GRIN2A: variants seen among roughly 807,000 people sequenced by gnomAD.
GRIN2A encodes glutamate receptor ionotropic, NMDA 2A.
A neutral mutation model predicts 113.4 loss-of-function variants in GRIN2A; 22 were observed. The observed-to-expected ratio is 0.19, with a 90% CI of 0.14 to 0.28. GRIN2A has a LOEUF of 0.28. GRIN2A is among the 10% of genes least tolerant of loss of function. The pLI is 1.00. For synonymous variants in GRIN2A, 827 were observed against 738.4 expected (o/e 1.12, Z -1.94); for missense variants, 1,502 against 1,887.0 (o/e 0.80, Z 3.78).
intron 2 of GRIN2A, among the ~76,000 whole-genome samples, chr16:10,049,870 T>C (rs907516938): frequency 2.2e-4 from 34 of 152,326 alleles, no homozygotes; most frequent in Middle Eastern, 6.8e-3. Context: ...TTTCAATTAA[T>C]ATTTGCTGAC....
At chr16:10,161,238 C>T (rs528918688) in intron 2 of GRIN2A, among the ~76,000 whole-genome samples, 30 of 152,152 alleles carry the variant, frequency 2.0e-4, no homozygotes, top group Non-Finnish European at 1.2e-4. Context: ...TCACACTTCT[C>T]CTTGCTGCTG....
At position 10,110,208 on chromosome 16, in the gene GRIN2A, G is replaced by A. The variant is rs544094048; in HGVS notation, c.414+69790C>T. ...GTTCTGGGCAAAGGGAGTGGCACAC[G>A]CAGAGGCTACAGGGTAAGAAAGAGC... On this transcript the variant is annotated intron_variant, in intron 2 of 12. Transcript: ENST00000330684. 4.6e-5 allele frequency among the ~76,000 whole-genome samples: 7 copies of A among 152,310 alleles called. No individual in the cohort carries two copies. In the East Asian group the frequency reaches 5.8e-4, roughly 13 times the overall value.
At chr16:9,961,134 C>T (rs894591598) in intron 2 of GRIN2A, among the ~76,000 whole-genome samples, 1 of 152,178 alleles carries the variant, frequency 6.6e-6, no homozygotes, top group Non-Finnish European at 1.5e-5. Flanking sequence ...TACTTATTCA[C>T]GTACTCGTTT....
chr16:9,833,595 C>T (rs1035754840), intron 8 of GRIN2A, among the ~76,000 whole-genome samples: 1 of 152,120 alleles, frequency 6.6e-6, no homozygotes, highest in Non-Finnish European at 1.5e-5. Flanking sequence ...CAGGTTATGA[C>T]AAGATTAAAA....
chr16:9,764,076 T>A lies in GRIN2A; in HGVS notation c.3468A>T (p.Glu1156Asp), dbSNP rs778180100. 6.8e-5 allele frequency: 110 copies of A among 1,613,466 alleles called. No homozygotes were observed. In the South Asian group the frequency reaches 1.0e-3, roughly 15 times the overall value. Residue 1156 changes from glutamate to aspartate, a missense_variant, in exon 13 of 13, where the codon GAA (glutamate) becomes GAT (aspartate). Around this residue, in one of 7 missense-constraint regions of GRIN2A, gnomAD observed 832 missense variants for 789.7 expected, o/e 1.05. Transcript: ENST00000330684. ...GCGTGGAGTCCCCCTTGCGGAAGTT[T>A]TCACTGGGATCCTGGTAGGGGTCCG... is the stretch of plus-strand genomic sequence containing the variant. Reference protein sequence around the residue: ...DFPDPYQDPSENFRKGDSTLP... With the variant: ...DFPDPYQDPSDNFRKGDSTLP...
At position 9,979,438 on chromosome 16, in the gene GRIN2A, T is replaced by C. The variant is rs560894903; in HGVS notation, c.415-40887A>G. Reference sequence around the variant, plus strand: ...TGTTCCCTATACCTGGAATGCTTTTTCCTCCGCTGTTCCCATCATCAGGAC... The same window carrying C: ...TGTTCCCTATACCTGGAATGCTTTTCCCTCCGCTGTTCCCATCATCAGGAC... On this transcript the variant is annotated intron_variant, in intron 2 of 12. Transcript: ENST00000330684. Among the ~76,000 whole-genome samples the C allele has an allele frequency of 5.6e-4, 86 of 152,288 alleles. No homozygotes were observed. The South Asian group carries it at 0.011, about 19-fold the overall frequency.
intron 2 of GRIN2A, among the ~76,000 whole-genome samples, chr16:10,106,859 G>A (rs1272377752): frequency 1.4e-4 from 21 of 152,168 alleles, no homozygotes; most frequent in Non-Finnish European, 2.9e-5. Flanking sequence ...AAGCTGGGCT[G>A]TGCAATAAGC....
intron 5 of GRIN2A, among the ~76,000 whole-genome samples, chr16:9,842,377 A>G (rs1193129165): frequency 1.3e-5 from 2 of 152,218 alleles, no homozygotes; most frequent in African/African-American, 2.4e-5. Context: ...TGATTAATGG[A>G]CATCCCATTA....
At chr16:9,865,600 C>T (rs1156926284) in intron 4 of GRIN2A, among the ~76,000 whole-genome samples, 1 of 152,222 alleles carries the variant, frequency 6.6e-6, no homozygotes, top group Non-Finnish European at 1.5e-5. Flanking sequence ...TTCCTAATTA[C>T]TCCAAGTGTT....
chr16:9,897,045 T>A (rs546782029), intron 3 of GRIN2A, among the ~76,000 whole-genome samples: 2 of 152,200 alleles, frequency 1.3e-5, no homozygotes, highest in South Asian at 4.1e-4. Context: ...AATATCTCCA[T>A]CAGGAGCAAT....
At chr16:9,864,155 A>C (rs1438438925) in intron 4 of GRIN2A, among the ~76,000 whole-genome samples, 1 of 152,238 alleles carries the variant, frequency 6.6e-6, no homozygotes, top group African/African-American at 2.4e-5. Flanking sequence ...AAAGATCAGC[A>C]TAACATCCAA....
chr16:10,023,583 T>C (rs1042324602), intron 2 of GRIN2A, among the ~76,000 whole-genome samples: 3 of 152,182 alleles, frequency 2.0e-5, no homozygotes, highest in African/African-American at 7.2e-5. Context: ...TAACTGGTGA[T>C]GAAAGAAATA....
intron 2 of GRIN2A, among the ~76,000 whole-genome samples, chr16:10,073,551 A>G (rs183477379): frequency 2.6e-5 from 4 of 152,262 alleles, no homozygotes; most frequent in African/African-American, 9.6e-5. Context: ...GTACAGCATT[A>G]AGAAATTCCT....
chr16:9,886,488 G>A (rs1477774761), intron 4 of GRIN2A, among the ~76,000 whole-genome samples: 1 of 152,126 alleles, frequency 6.6e-6, no homozygotes, highest in Non-Finnish European at 1.5e-5. Flanking sequence ...GGGAAGAAAG[G>A]AGGTTAAAAC....
At chr16:10,143,510 G>T (rs1184466025) in intron 2 of GRIN2A, among the ~76,000 whole-genome samples, 1 of 152,062 alleles carries the variant, frequency 6.6e-6, no homozygotes, top group African/African-American at 2.4e-5. Context: ...TGATATTAAG[G>T]AATTATTAAT....
chr16:10,072,946 C>CTTTTT (rs34432023), intron 2 of GRIN2A, among the ~76,000 whole-genome samples: 2 of 104,224 alleles, frequency 1.9e-5, no homozygotes, highest in African/African-American at 3.7e-5. Flanking sequence ...ACAAGACCCC[C>CTTTTT]TTTTTTTTTT....
At chr16:9,853,545 G>A (rs1282497923) in intron 4 of GRIN2A, among the ~76,000 whole-genome samples, 1 of 152,136 alleles carries the variant, frequency 6.6e-6, no homozygotes, top group Non-Finnish European at 1.5e-5. Context: ...CCAGAAGCAT[G>A]AGAAACAAGT....
intron 2 of GRIN2A, among the ~76,000 whole-genome samples, chr16:10,090,374 A>G (rs1315890859): frequency 6.6e-6 from 1 of 152,216 alleles, no homozygotes; most frequent in African/African-American, 2.4e-5. Flanking sequence ...AACGTTTAGA[A>G]ATAAGCTCTG....
intron 5 of GRIN2A, among the ~76,000 whole-genome samples, chr16:9,845,723 G>C (rs2042760799): frequency 6.6e-6 from 1 of 152,126 alleles, no homozygotes; most frequent in Non-Finnish European, 1.5e-5. Flanking sequence ...TCACATGTCT[G>C]GCTTCTTCTC....
Sources: gnomAD v4.1 joint callset for allele counts (sites outside exome capture counted in the v4.1 genomes callset) on GRCh38, gnomAD v4.1.1 for gene constraint, gnomAD v4.1.1 regional missense constraint, MANE v1.5 for transcripts, NCBI Gene and HGNC (gene_info 2026-07-23, HGNC 2026-07-21) for gene names.